The following PDZRN4 variants were observed in gnomAD, a reference collection of about 807,000 sequenced individuals.
PDZRN4 encodes PDZ domain-containing RING finger protein 4.
PDZRN4 carries 70 observed loss-of-function variants against 99.0 expected under a neutral mutation model. The ratio of observed to expected loss-of-function variants is 0.71; its 90% CI spans 0.58 to 0.86. The LOEUF is 0.86. Ranked by LOEUF, PDZRN4 falls within the 40% of genes least tolerant of loss-of-function variation. PDZRN4 has a pLI of 0.00. For synonymous variants in PDZRN4, 551 were observed against 501.6 expected, an observed-to-expected ratio of 1.10 and a Z score of -1.32; for missense variants, 1,474 against 1,331.2, an observed-to-expected ratio of 1.11 and a Z score of -1.67.
At chr12:41,318,315 A>C (rs1390744041) in intron 3 of PDZRN4, among the ~76,000 whole-genome samples, 1 of 152,198 alleles carries the variant, frequency 6.6e-6, no homozygotes, top group Non-Finnish European at 1.5e-5. Context: ...ATGACTACTC[A>C]ATCAAAATTA....
At chr12:41,507,426 A>G (rs1421988448) in intron 4 of PDZRN4, among the ~76,000 whole-genome samples, 1 of 152,148 alleles carries the variant, frequency 6.6e-6, no homozygotes, top group Non-Finnish European at 1.5e-5. Context: ...ATATTCAAAC[A>G]TTGAGAGTTT....
chr12:41,469,890 A>G (rs1044329372), intron 3 of PDZRN4, among the ~76,000 whole-genome samples: 2 of 152,186 alleles, frequency 1.3e-5, no homozygotes, highest in Non-Finnish European at 2.9e-5. Flanking sequence ...AGATCACGCC[A>G]CTGCACTCCA....
intron 3 of PDZRN4, among the ~76,000 whole-genome samples, chr12:41,237,872 C>G (rs908552245): frequency 1.3e-5 from 2 of 152,112 alleles, no homozygotes; most frequent in Non-Finnish European, 2.9e-5. Context: ...TTACTAAAGC[C>G]TTGTAGTACA....
chr12:41,522,424 C>T (rs1034166085), intron 5 of PDZRN4, among the ~76,000 whole-genome samples: 3 of 152,010 alleles, frequency 2.0e-5, no homozygotes, highest in Non-Finnish European at 4.4e-5. Flanking sequence ...ATTTATTCAC[C>T]TTAACATATT....
At chr12:41,233,757 G>A (rs559899304) in intron 3 of PDZRN4, among the ~76,000 whole-genome samples, 2 of 151,954 alleles carry the variant, frequency 1.3e-5, no homozygotes, top group East Asian at 1.9e-4. Context: ...ATGGACACAG[G>A]AAGGGGAACA....
chr12:41,205,242 C>T (rs1015682527), intron 3 of PDZRN4, among the ~76,000 whole-genome samples: 2 of 151,858 alleles, frequency 1.3e-5, no homozygotes, highest in South Asian at 2.1e-4. Flanking sequence ...ACAAACTGTT[C>T]GTGACCTAGC....
chr12:41,355,138 G>C (rs926273624), intron 3 of PDZRN4, among the ~76,000 whole-genome samples: 1 of 152,034 alleles, frequency 6.6e-6, no homozygotes, highest in Non-Finnish European at 1.5e-5. Context: ...AGGGCCCTTG[G>C]GGAAAGGACT....
chr12:41,250,201 C>T (rs909802304), intron 3 of PDZRN4, among the ~76,000 whole-genome samples: 1 of 152,142 alleles, frequency 6.6e-6, no homozygotes, highest in Non-Finnish European at 1.5e-5. Flanking sequence ...CTAGTCTGTA[C>T]TTCTGGTTCA....
chr12:41,340,611 T>C (rs1466569087), intron 3 of PDZRN4, among the ~76,000 whole-genome samples: 8 of 151,838 alleles, frequency 5.3e-5, no homozygotes, highest in Non-Finnish European at 1.2e-4. Flanking sequence ...CACAAAGAAA[T>C]GATAAGTGCT....
chr12:41,548,025 G>T (rs564461012), intron 5 of PDZRN4, among the ~76,000 whole-genome samples: 1 of 152,194 alleles, frequency 6.6e-6, no homozygotes, highest in Non-Finnish European at 1.5e-5. Flanking sequence ...ATAAACAGGC[G>T]GGGTTAAGGA....
chr12:41,407,713 A>G (rs1592047812), intron 3 of PDZRN4, among the ~76,000 whole-genome samples: 1 of 51,522 alleles, frequency 1.9e-5, no homozygotes, highest in South Asian at 4.8e-4. Context: ...TACAAAAGAG[A>G]AAAAAAAAAA....
intron 3 of PDZRN4, among the ~76,000 whole-genome samples, chr12:41,275,919 T>G (rs1413811118): frequency 6.6e-6 from 1 of 152,192 alleles, no homozygotes; most frequent in Admixed American, 6.5e-5. Flanking sequence ...TTGAGGGATG[T>G]GAGACTAGAG....
At chr12:41,543,964 T>C (rs1938904475) in intron 5 of PDZRN4, among the ~76,000 whole-genome samples, 1 of 152,314 alleles carries the variant, frequency 6.6e-6, no homozygotes, top group South Asian at 2.1e-4. Context: ...GGTGTAATTC[T>C]GCAAAATAAA....
rs539374805 is a variant in PDZRN4, at chr12:41,310,456, G to T, written c.843+116268G>T. On this transcript the variant is annotated intron_variant, in intron 3 of 9. Transcript: ENST00000402685. ...ACCTTGTGACTTTCAGTATTAAAGAGCTCTATTCAGTTGCTCTTAACCCTT... is the reference window on the plus strand; with the variant it reads ...ACCTTGTGACTTTCAGTATTAAAGATCTCTATTCAGTTGCTCTTAACCCTT... Among the ~76,000 whole-genome samples the T allele has an allele frequency of 1.2e-4, 18 of 151,922 alleles. No individual in the cohort carries two copies. The South Asian group carries it at 1.5e-3, about 12-fold the overall frequency.
chr12:41,244,573 C>T (rs1339216175), intron 3 of PDZRN4, among the ~76,000 whole-genome samples: 1 of 152,166 alleles, frequency 6.6e-6, no homozygotes, highest in Non-Finnish European at 1.5e-5. Flanking sequence ...CAGAACACTT[C>T]CTGTTCCTTC....
At chr12:41,353,364 G>T (rs10506187) in intron 3 of PDZRN4, among the ~76,000 whole-genome samples, 58,564 of 151,682 alleles carry the variant, frequency 0.39, 11,397 homozygotes, top group African/African-American at 0.41. Flanking sequence ...TTTGCAGAAT[G>T]TCCTCCTATA....
rs547596926 is a variant in PDZRN4 at position 41,509,833 on chromosome 12, G to C, written c.1123G>C (p.Glu375Gln). The change falls in exon 5 of 10, where the codon GAG becomes CAG. Residue 375 changes from glutamate (E) to glutamine (Q), a missense_variant. Coordinates refer to ENST00000402685, the MANE Select transcript of PDZRN4 (RefSeq NM_001164595.2). ...SDSCHSLHPM[E>Q]HEFYEDNEYI... Reference sequence around the variant, plus strand: ...TAGCTGCCATTCTCTACATCCAATGGAGCATGAATTTTATGAGGACAATGA... The same window carrying C: ...TAGCTGCCATTCTCTACATCCAATGCAGCATGAATTTTATGAGGACAATGA... The C allele has an allele frequency of 3.1e-6, 5 of 1,590,908 alleles. No homozygotes were observed. The highest frequency in any genetic ancestry group is 1.1e-5 in the South Asian group (1 of 89,926).
chr12:41,494,038 C>T (rs1186832038), intron 3 of PDZRN4, among the ~76,000 whole-genome samples: 1 of 105,740 alleles, frequency 9.5e-6, no homozygotes, highest in East Asian at 2.3e-4. Flanking sequence ...ATTCCTGTCA[C>T]AGAAACATTT....
chr12:41,383,136 G>C (rs1016656113), intron 3 of PDZRN4, among the ~76,000 whole-genome samples: 12 of 152,300 alleles, frequency 7.9e-5, no homozygotes, highest in Non-Finnish European at 1.3e-4. Flanking sequence ...AGTTGTGTGA[G>C]GCCAGTGAAA....
Sources: gnomAD v4.1 joint callset for allele counts (sites outside exome capture counted in the v4.1 genomes callset) on GRCh38, gnomAD v4.1.1 for gene constraint, MANE v1.5 for transcripts, NCBI Gene and HGNC (gene_info 2026-07-23, HGNC 2026-07-21) for gene names.